EYS: variants seen among roughly 807,000 people sequenced by gnomAD.
EYS encodes protein eyes shut homolog.
EYS carries 250 observed loss-of-function variants against 282.1 expected under a neutral mutation model. The ratio of observed to expected loss-of-function variants is 0.89; its 90% CI spans 0.80 to 0.98. The LOEUF is 0.98. Ranked by LOEUF, EYS falls within the 50% of genes least tolerant of loss-of-function variation. The probability of loss-of-function intolerance (pLI) is 0.00; values close to 1 mark genes in which losing one functional copy is unlikely to be tolerated. For synonymous variants in EYS, 1,355 were observed against 1,282.9 expected (o/e 1.06, Z -1.20); for missense variants, 4,016 against 3,709.0 (o/e 1.08, Z -2.15).
intron 28 of EYS, among the ~76,000 whole-genome samples, chr6:64,407,469 T>G (rs1773756356): frequency 6.6e-6 from 1 of 151,958 alleles, no homozygotes; most frequent in Non-Finnish European, 1.5e-5. Context: ...ATAAAAAGGG[T>G]TCATCAATTA....
intron 30 of EYS, among the ~76,000 whole-genome samples, chr6:64,242,205 G>C (rs1427830960): frequency 6.6e-6 from 1 of 151,992 alleles, no homozygotes; most frequent in African/African-American, 2.4e-5. Context: ...CTGAGTTCAA[G>C]TCCTGGATAT....
Position 65,001,239 on chromosome 6 carries a change from A to T in EYS, c.2138-3536T>A, listed in dbSNP as rs1476889994. On this transcript the variant is annotated intron_variant, in intron 13 of 42. Coordinates refer to ENST00000503581, the MANE Select transcript of EYS (RefSeq NM_001142800.2). ...GAGCTCTTGCCTAGCGTCCCGGAAG[A>T]TTCGGGTCACACATGGGCTTGAAGG... Among the ~76,000 whole-genome samples, 2 of 147,668 alleles carry T rather than the reference A, an allele frequency of 1.4e-5. 1 individual carries two copies. Among genetic ancestry groups the T allele is most frequent in the East Asian group, 4.2e-4 (2 of 4,720 alleles).
chr6:64,692,846 C>A (rs960999561), intron 22 of EYS, among the ~76,000 whole-genome samples: 1 of 151,898 alleles, frequency 6.6e-6, no homozygotes, highest in Admixed American at 6.6e-5. Flanking sequence ...TTCTATTGAT[C>A]TATATGTCCG....
intron 19 of EYS, among the ~76,000 whole-genome samples, chr6:64,885,570 C>T (rs1317813613): frequency 6.6e-6 from 1 of 151,576 alleles, no homozygotes; most frequent in Non-Finnish European, 1.5e-5. Context: ...AGATAATGGG[C>T]AATGTGAAAC....
intron 14 of EYS, among the ~76,000 whole-genome samples, chr6:64,986,995 G>C (rs9453145): frequency 1.3e-3 from 198 of 151,536 alleles, no homozygotes; most frequent in African/African-American, 4.6e-3. Flanking sequence ...TGGTAAAAGT[G>C]CAGTAATTGA....
chr6:65,220,880 G>T (rs1766446645), intron 12 of EYS, among the ~76,000 whole-genome samples: 1 of 152,086 alleles, frequency 6.6e-6, no homozygotes, highest in Admixed American at 6.5e-5. Context: ...GGAACCTGTT[G>T]GAAACTGGAA....
At chr6:64,086,058 C>A (rs1448477390) in intron 31 of EYS, among the ~76,000 whole-genome samples, 2 of 152,184 alleles carry the variant, frequency 1.3e-5, no homozygotes, top group African/African-American at 4.8e-5. Flanking sequence ...TCTTCAACCA[C>A]TTTATAACAC....
At chr6:65,450,152 T>C (rs1001040432) in intron 5 of EYS, among the ~76,000 whole-genome samples, 1 of 152,096 alleles carries the variant, frequency 6.6e-6, no homozygotes, top group African/African-American at 2.4e-5. Context: ...CAGGTTTTTG[T>C]TGGGTTCTGG....
chr6:63,971,246 T>C (rs1766556133), intron 35 of EYS, among the ~76,000 whole-genome samples: 1 of 152,206 alleles, frequency 6.6e-6, no homozygotes, highest in Non-Finnish European at 1.5e-5. Context: ...TACCTGTCAG[T>C]GTGATTTGCT....
In EYS at chr6:63,720,335, T is replaced by C. The variant is rs1252480590; in HGVS notation, c.*261A>G. 1 of 407,900 alleles carries C rather than the reference T, an allele frequency of 2.5e-6. No individual in the cohort carries two copies. The highest frequency in any genetic ancestry group is 3.5e-5 in the East Asian group (1 of 28,510). The allele number at this position is 407,900 out of a possible 1,614,324, so 25.3% of individuals were successfully genotyped here. A position where few individuals can be genotyped will look rare whatever the true frequency, so the allele number is the denominator to read the frequency against. On this transcript the variant is annotated 3_prime_UTR_variant, in exon 43 of 43. Coordinates refer to ENST00000503581, the MANE Select transcript of EYS (RefSeq NM_001142800.2). The stretch of plus-strand genomic sequence containing the variant: ...ATAGGTAAAAAGTGAATAAGCAAAG[T>C]GAATAAGCACATTCTGTGAATAAGC...
chr6:63,984,832 T>C (rs190388806), intron 34 of EYS, among the ~76,000 whole-genome samples: 193 of 151,918 alleles, frequency 1.3e-3, no homozygotes, highest in Middle Eastern at 3.4e-3. Flanking sequence ...TCTAATAATA[T>C]TTAGCAGAAA....
chr6:65,354,481 CACA>C (rs1436229724), intron 8 of EYS, among the ~76,000 whole-genome samples: 1 of 151,676 alleles, frequency 6.6e-6, no homozygotes, highest in Non-Finnish European at 1.5e-5. Context: ...TTCCTAATTG[CACA>C]ACAACCTTAA....
At chr6:64,180,184 C>A (rs1309747399) in intron 31 of EYS, among the ~76,000 whole-genome samples, 1 of 152,048 alleles carries the variant, frequency 6.6e-6, no homozygotes, top group Non-Finnish European at 1.5e-5. Context: ...TCCTTGTCAA[C>A]AACAAACTGG....
chr6:64,180,637 C>T (rs1269353675), intron 31 of EYS, among the ~76,000 whole-genome samples: 11 of 151,994 alleles, frequency 7.2e-5, no homozygotes, highest in Non-Finnish European at 1.6e-4. Flanking sequence ...TCTATGTTTA[C>T]CCAGTGTTTA....
At chr6:65,518,164 C>T (rs1204519850) in intron 2 of EYS, among the ~76,000 whole-genome samples, 2 of 151,988 alleles carry the variant, frequency 1.3e-5, no homozygotes, top group Admixed American at 1.3e-4. Context: ...TTGGCAGAAT[C>T]CAAACTTATA....
At chr6:64,538,233 T>C (rs1389729422) in intron 26 of EYS, among the ~76,000 whole-genome samples, 1 of 152,196 alleles carries the variant, frequency 6.6e-6, no homozygotes, top group African/African-American at 2.4e-5. Flanking sequence ...TACCTAATGG[T>C]TATCAAATTT....
chr6:65,006,796 A>G (rs145280672), intron 13 of EYS, among the ~76,000 whole-genome samples: 2 of 152,346 alleles, frequency 1.3e-5, no homozygotes, highest in African/African-American at 4.8e-5. Flanking sequence ...GCAGAGTTAG[A>G]AAAATTGCCT....
intron 2 of EYS, among the ~76,000 whole-genome samples, chr6:65,567,018 C>A (rs545722618): frequency 4.3e-4 from 66 of 152,060 alleles, no homozygotes; most frequent in African/African-American, 1.5e-3. Context: ...GTAGATGGGG[C>A]CAAATAAAGG....
At chr6:64,585,910 T>C (rs1434967059) in intron 26 of EYS, among the ~76,000 whole-genome samples, 1 of 152,142 alleles carries the variant, frequency 6.6e-6, no homozygotes, top group Non-Finnish European at 1.5e-5. Flanking sequence ...CCTACATTTC[T>C]GAGTGCTCAA....
Sources: gnomAD v4.1 joint callset for allele counts (sites outside exome capture counted in the v4.1 genomes callset) on GRCh38, gnomAD v4.1.1 for gene constraint, MANE v1.5 for transcripts, NCBI Gene and HGNC (gene_info 2026-07-23, HGNC 2026-07-21) for gene names.